NKAIN2: variants seen among roughly 807,000 people sequenced by gnomAD.
NKAIN2 encodes the protein sodium/potassium-transporting ATPase subunit beta-1-interacting protein 2.
NKAIN2 carries 14 observed loss-of-function variants against 32.6 expected under a neutral mutation model. The observed-to-expected ratio is 0.43, with a 90% CI of 0.28 to 0.67. The LOEUF (loss-of-function observed/expected upper bound fraction) is 0.67, where lower values mean the gene tolerates loss of function less well. NKAIN2 is among the 30% of genes least tolerant of loss of function. The pLI is 0.17. For missense variants in NKAIN2, 198 were observed against 258.3 expected (o/e 0.77, Z 1.60); for synonymous variants, 80 against 87.2 (o/e 0.92, Z 0.46).
chr6:124,414,376 C>T (rs1378285521), intron 3 of NKAIN2, among the ~76,000 whole-genome samples: 2 of 151,802 alleles, frequency 1.3e-5, no homozygotes, highest in African/African-American at 2.4e-5. Flanking sequence ...GAATATTATC[C>T]ATCTTATATA....
At chr6:124,362,108 A>C (rs975858512) in intron 3 of NKAIN2, among the ~76,000 whole-genome samples, 8 of 152,138 alleles carry the variant, frequency 5.3e-5, no homozygotes, top group African/African-American at 1.9e-4. Context: ...ACTACCTATA[A>C]TAATTGATTT....
chr6:124,464,651 G>A (rs1776669653), intron 3 of NKAIN2, among the ~76,000 whole-genome samples: 1 of 152,004 alleles, frequency 6.6e-6, no homozygotes, highest in Non-Finnish European at 1.5e-5. Context: ...TCCTTTGACA[G>A]GTTTGTTAAA....
intron 1 of NKAIN2, among the ~76,000 whole-genome samples, chr6:123,918,043 T>G (rs1345767078): frequency 1.3e-5 from 2 of 152,190 alleles, no homozygotes; most frequent in Non-Finnish European, 2.9e-5. Context: ...ATGTCCTTAT[T>G]ATATGACTAT....
intron 4 of NKAIN2, among the ~76,000 whole-genome samples, chr6:124,735,860 A>G (rs1582128): frequency 0.59 from 89,355 of 151,660 alleles, 26,701 homozygotes; most frequent in East Asian, 0.72. Flanking sequence ...CCTTTCTTCC[A>G]GCCTCCCTAT....
chr6:124,119,901 A>G (rs527987542), intron 1 of NKAIN2, among the ~76,000 whole-genome samples: 5 of 152,078 alleles, frequency 3.3e-5, no homozygotes, highest in Admixed American at 6.6e-5. Context: ...TCTTGGTCCC[A>G]TGTATATATC....
At chr6:124,562,623 A>G (rs926569474) in intron 3 of NKAIN2, among the ~76,000 whole-genome samples, 1 of 152,186 alleles carries the variant, frequency 6.6e-6, no homozygotes, top group Non-Finnish European at 1.5e-5. Flanking sequence ...TTATCAATTC[A>G]TTTAAGAACA....
intron 1 of NKAIN2, among the ~76,000 whole-genome samples, chr6:123,850,794 T>C (rs1432493971): frequency 6.6e-6 from 1 of 152,198 alleles, no homozygotes; most frequent in African/African-American, 2.4e-5. Flanking sequence ...TTATTAACTG[T>C]AGTCACCATG....
At chr6:123,837,596 T>C (rs1774684655) in intron 1 of NKAIN2, among the ~76,000 whole-genome samples, 1 of 152,212 alleles carries the variant, frequency 6.6e-6, no homozygotes, top group South Asian at 2.1e-4. Flanking sequence ...CAGTTTATTC[T>C]CAATGTAATA....
At chr6:123,962,792 C>T (rs1777905641) in intron 1 of NKAIN2, among the ~76,000 whole-genome samples, 1 of 152,142 alleles carries the variant, frequency 6.6e-6, no homozygotes, top group African/African-American at 2.4e-5. Flanking sequence ...CCATTATTGC[C>T]TGTTAAAAGT....
At chr6:124,006,132 T>C (rs1995876) in intron 1 of NKAIN2, among the ~76,000 whole-genome samples, 49,114 of 152,038 alleles carry the variant, frequency 0.32, 7,994 homozygotes, top group East Asian at 0.42. Flanking sequence ...GAAATTGAAG[T>C]TCTCAGGAGA....
intron 3 of NKAIN2, among the ~76,000 whole-genome samples, chr6:124,474,715 G>A (rs1777113537): frequency 6.6e-6 from 1 of 151,096 alleles, no homozygotes; most frequent in African/African-American, 2.4e-5. Context: ...GCTAGTATTA[G>A]AAGCAATAGA....
At chr6:124,052,359 G>A (rs1782449846) in intron 1 of NKAIN2, among the ~76,000 whole-genome samples, 1 of 151,966 alleles carries the variant, frequency 6.6e-6, no homozygotes, top group African/African-American at 2.4e-5. Context: ...TAGTAATGTG[G>A]GTGTGTGGAA....
chr6:123,902,439 T>C (rs780540205), intron 1 of NKAIN2, among the ~76,000 whole-genome samples: 2 of 152,210 alleles, frequency 1.3e-5, no homozygotes, highest in Non-Finnish European at 2.9e-5. Flanking sequence ...ATGTTGGTGG[T>C]ACAGCTACTT....
intron 3 of NKAIN2, among the ~76,000 whole-genome samples, chr6:124,590,604 A>G (rs1268319422): frequency 6.6e-6 from 1 of 152,196 alleles, no homozygotes; most frequent in Non-Finnish European, 1.5e-5. Flanking sequence ...CATCTGTGGC[A>G]AGCATCATGG....
intron 1 of NKAIN2, among the ~76,000 whole-genome samples, chr6:124,128,838 G>A (rs1036512018): frequency 2.6e-5 from 4 of 152,156 alleles, no homozygotes; most frequent in African/African-American, 7.2e-5. Context: ...GCCACTAAAA[G>A]AGTGCAGATT....
intron 4 of NKAIN2, among the ~76,000 whole-genome samples, chr6:124,688,489 C>T (rs1774101197): frequency 6.6e-6 from 1 of 152,036 alleles, no homozygotes; most frequent in African/African-American, 2.4e-5. Context: ...ATCATTATCA[C>T]CCAGAGTCTA....
At chr6:124,163,352 T>C (rs1426653592) in intron 1 of NKAIN2, among the ~76,000 whole-genome samples, 1 of 151,992 alleles carries the variant, frequency 6.6e-6, no homozygotes, top group African/African-American at 2.4e-5. Context: ...AGAAATGGAA[T>C]GAAACCATTA....
chr6:124,384,617 C>G (rs577459407), intron 3 of NKAIN2, among the ~76,000 whole-genome samples: 1 of 147,854 alleles, frequency 6.8e-6, no homozygotes, highest in South Asian at 2.1e-4. Flanking sequence ...GTTTGACTCT[C>G]TTGCACACTT....
intron 4 of NKAIN2, among the ~76,000 whole-genome samples, chr6:124,781,368 T>C (rs1048392491): frequency 1.3e-5 from 2 of 152,122 alleles, no homozygotes; most frequent in African/African-American, 4.8e-5. Context: ...GATAGCAGAA[T>C]GGCTGTAAAG....
Sources: gnomAD v4.1 joint callset for allele counts (sites outside exome capture counted in the v4.1 genomes callset) on GRCh38, gnomAD v4.1.1 for gene constraint, MANE v1.5 for transcripts, NCBI Gene and HGNC (gene_info 2026-07-23, HGNC 2026-07-21) for gene names.